The following CAMK1D variants were observed in gnomAD, a reference collection of about 807,000 sequenced individuals.
CAMK1D encodes the protein calcium/calmodulin-dependent protein kinase type 1D.
CAMK1D carries 9 observed loss-of-function variants against 47.7 expected under a neutral mutation model. The observed-to-expected ratio is 0.19, with a 90% CI of 0.11 to 0.33. CAMK1D has a LOEUF of 0.33. Ranked by LOEUF, CAMK1D falls within the 10% of genes least tolerant of loss-of-function variation. The pLI, the probability that CAMK1D is intolerant of heterozygous loss-of-function variation, is 1.00. For missense variants in CAMK1D, 291 were observed against 488.7 expected (o/e 0.60, Z 3.81); for synonymous variants, 184 against 184.9 (o/e 0.99, Z 0.04).
At chr10:12,801,297 GTATCTATCTATC>G (rs1183015885) in intron 6 of CAMK1D, among the ~76,000 whole-genome samples, 43 of 89,986 alleles carry the variant, frequency 4.8e-4, no homozygotes, top group Admixed American at 2.3e-3. Flanking sequence ...GTCTGTGTGT[GTATCTATCTATC>G]TATCTATCTA....
At chr10:12,423,113 G>A (rs80130870) in intron 1 of CAMK1D, among the ~76,000 whole-genome samples, 5,404 of 152,276 alleles carry the variant, frequency 0.035, 101 homozygotes, top group Middle Eastern at 0.048. Context: ...GAGGGAAGAA[G>A]GGATGTTGAT....
In CAMK1D at chr10:12,739,540, C is replaced by T. The variant is rs142784370; in HGVS notation, c.300-21408C>T. The stretch of plus-strand genomic sequence containing the variant: ...TCCTGACCTCGTGATCCACCCGCCT[C>T]GGCCTCCCAAAATGCTGGGATTACA... On this transcript the variant is annotated intron_variant, in intron 3 of 10. Coordinates refer to ENST00000619168, the MANE Select transcript of CAMK1D (RefSeq NM_153498.4). Among the ~76,000 whole-genome samples the T allele has an allele frequency of 2.5e-3, 382 of 151,358 alleles. 4 individuals are homozygous for T. In the East Asian group the frequency reaches 0.033, roughly 13 times the overall value.
At chr10:12,597,887 C>G (rs896242445) in intron 2 of CAMK1D, among the ~76,000 whole-genome samples, 3 of 152,194 alleles carry the variant, frequency 2.0e-5, no homozygotes, top group Non-Finnish European at 2.9e-5. Flanking sequence ...AGACAGTTAC[C>G]TGGACATAAA....
intron 7 of CAMK1D, among the ~76,000 whole-genome samples, chr10:12,814,563 G>T (rs529011877): frequency 6.6e-6 from 1 of 152,244 alleles, no homozygotes; most frequent in African/African-American, 2.4e-5. Flanking sequence ...CCACTTTCTG[G>T]TTCATAGACT....
At chr10:12,409,450 C>A (rs893591384) in intron 1 of CAMK1D, among the ~76,000 whole-genome samples, 1 of 152,208 alleles carries the variant, frequency 6.6e-6, no homozygotes, top group Non-Finnish European at 1.5e-5. Flanking sequence ...TACTTGAAAT[C>A]TCTCCTTTTT....
At position 12,591,705 on chromosome 10, in the gene CAMK1D, G is replaced by A. The variant is rs902656098; in HGVS notation, c.224+38349G>A. Among the ~76,000 whole-genome samples, 4 of 152,308 alleles carry A rather than the reference G, an allele frequency of 2.6e-5. No individual in the cohort carries two copies. In the South Asian group the frequency reaches 6.2e-4, roughly 24 times the overall value. On this transcript the variant is annotated intron_variant, in intron 2 of 10. Coordinates refer to ENST00000619168, the MANE Select transcript of CAMK1D (RefSeq NM_153498.4). ...CATAATAGGGTTGGTTGGTTGGTTT[G>A]TTTTTTGAGACGGAGTCTCGCCCTG...
At chr10:12,675,653 C>T (rs1371443880) in intron 3 of CAMK1D, among the ~76,000 whole-genome samples, 1 of 152,238 alleles carries the variant, frequency 6.6e-6, no homozygotes, top group Non-Finnish European at 1.5e-5. Context: ...AGTCCTACCC[C>T]ACTGTGCTGT....
In CAMK1D at chr10:12,694,189, A is replaced by ATT. The variant is rs1833111496; in HGVS notation, c.299+27379_299+27380insTT. ...GCATAATATATATTATATATAATATAATATATATTATATATTATGTATAAT... is the reference window on the plus strand; with the variant it reads ...GCATAATATATATTATATATAATATATTATATATATTATATATTATGTATAAT... On this transcript the variant is annotated intron_variant, in intron 3 of 10. Coordinates refer to ENST00000619168, the MANE Select transcript of CAMK1D (RefSeq NM_153498.4). 9.8e-5 allele frequency among the ~76,000 whole-genome samples: 4 copies of ATT among 40,718 alleles called. 1 individual carries two copies. The Admixed American group carries it at 1.5e-3, about 15-fold the overall frequency. The allele number at this position is 40,718 out of a possible 152,430, so 26.7% of individuals were successfully genotyped here. A position where few individuals can be genotyped will look rare whatever the true frequency, so the allele number is the denominator to read the frequency against.
intron 3 of CAMK1D, among the ~76,000 whole-genome samples, chr10:12,683,750 G>A (rs1316148654): frequency 1.5e-5 from 2 of 129,432 alleles, no homozygotes; most frequent in Non-Finnish European, 3.1e-5. Context: ...AGGTGTGTGT[G>A]TGTGTGTGTG....
intron 1 of CAMK1D, among the ~76,000 whole-genome samples, chr10:12,508,675 T>A (rs1320770046): frequency 6.6e-6 from 1 of 152,210 alleles, no homozygotes. Context: ...CACAGTTTTT[T>A]AAAAAAGCAA....
At chr10:12,381,342 CT>C (rs35503338) in intron 1 of CAMK1D, among the ~76,000 whole-genome samples, 51,363 of 134,460 alleles carry the variant, frequency 0.38, 9,150 homozygotes, top group Admixed American at 0.43. Flanking sequence ...ATAATGCTTT[CT>C]TTTTTTTTTT....
chr10:12,829,084 C>T lies in CAMK1D; in HGVS notation c.*197C>T, dbSNP rs1588977888. ...TCATTTCTCACAAACTGTACTGACTCGAGGGGCGCTGATTTCATAGGATCT... is the reference window on the plus strand; with the variant it reads ...TCATTTCTCACAAACTGTACTGACTTGAGGGGCGCTGATTTCATAGGATCT... On this transcript the variant is annotated 3_prime_UTR_variant, in exon 11 of 11. Transcript: ENST00000619168. 5.6e-6 allele frequency: 3 copies of T among 532,948 alleles called. No individual in the cohort carries two copies. The highest frequency in any genetic ancestry group is 4.8e-5 in the South Asian group (2 of 41,734). 33.0% of individuals were successfully genotyped at this position (532,948 alleles called of 1,614,324 possible).
chr10:12,827,612 CCTCCTCT>C (rs747388659), intron 10 of CAMK1D, among the ~76,000 whole-genome samples: 20 of 67,804 alleles, frequency 2.9e-4, no homozygotes, highest in African/African-American at 8.1e-4. Flanking sequence ...CTTCCCCTCC[CCTCCTCT>C]CTCCTCTCTC....
At chr10:12,764,398 AC>A (rs1564544236) in intron 4 of CAMK1D, among the ~76,000 whole-genome samples, 2 of 151,188 alleles carry the variant, frequency 1.3e-5, no homozygotes, top group African/African-American at 4.9e-5. Context: ...AAAAAAAAAA[AC>A]ATTGATCTAA....
intron 1 of CAMK1D, among the ~76,000 whole-genome samples, chr10:12,383,075 A>G (rs901014491): frequency 2.0e-5 from 3 of 152,056 alleles, no homozygotes; most frequent in African/African-American, 7.2e-5. Context: ...CTCTCTATGT[A>G]TTCTAGCTAA....
At chr10:12,483,711 G>C (rs919544106) in intron 1 of CAMK1D, among the ~76,000 whole-genome samples, 2 of 150,250 alleles carry the variant, frequency 1.3e-5, no homozygotes, top group Non-Finnish European at 3.0e-5. Context: ...TTTTGAGACA[G>C]AGTCTCACTC....
rs575018073 is a variant in CAMK1D, at chr10:12,787,964, C to G, written c.566-3194C>G. On this transcript the variant is annotated intron_variant, in intron 5 of 10. Coordinates refer to ENST00000619168, the MANE Select transcript of CAMK1D (RefSeq NM_153498.4). ...GCAGTGAGCTGAGATTGTGCCGCTG[C>G]ACTCCATCTCCAAAAAAAAAATTAT... Among the ~76,000 whole-genome samples, 3 of 152,212 alleles carry G rather than the reference C, an allele frequency of 2.0e-5. No homozygotes were observed. In the South Asian group the frequency reaches 6.2e-4, roughly 32 times the overall value.
chr10:12,719,236 G>A (rs574931561), intron 3 of CAMK1D, among the ~76,000 whole-genome samples: 2 of 151,800 alleles, frequency 1.3e-5, no homozygotes, highest in Admixed American at 1.3e-4. Context: ...ATGAAACCCC[G>A]TCTCTACTAA....
chr10:12,710,232 G>T (rs1159183396), intron 3 of CAMK1D, among the ~76,000 whole-genome samples: 1 of 152,172 alleles, frequency 6.6e-6, no homozygotes, highest in Non-Finnish European at 1.5e-5. Flanking sequence ...AGAACCTAAA[G>T]TATATTTCTG....
Sources: gnomAD v4.1 joint callset for allele counts (sites outside exome capture counted in the v4.1 genomes callset) on GRCh38, gnomAD v4.1.1 for gene constraint, MANE v1.5 for transcripts, NCBI Gene and HGNC (gene_info 2026-07-23, HGNC 2026-07-21) for gene names.